Variants in CEP85L observed in about 807,000 individuals in gnomAD.
CEP85L encodes centrosomal protein of 85 kDa-like.
Under a neutral mutation model 100.3 loss-of-function variants are expected in CEP85L, and 60 were observed. The ratio of observed to expected loss-of-function variants is 0.60; its 90% CI spans 0.49 to 0.74. CEP85L has a LOEUF of 0.74. Among genes scored for constraint, CEP85L ranks in the 30% least tolerant of loss-of-function variants. CEP85L has a pLI of 0.00. For missense variants in CEP85L, 973 were observed against 936.2 expected, an observed-to-expected ratio of 1.04 and a Z score of -0.51; for synonymous variants, 319 against 322.7, an observed-to-expected ratio of 0.99 and a Z score of 0.12.
chr6:118,640,992 C>A (rs528345182), intron 1 of CEP85L, among the ~76,000 whole-genome samples: 1 of 152,154 alleles, frequency 6.6e-6, no homozygotes, highest in Non-Finnish European at 1.5e-5. Context: ...GCTTACTTCA[C>A]TTTAAGCTTT....
chr6:118,696,482 G>T (rs564505495), intron 1 of CEP85L, among the ~76,000 whole-genome samples: 13 of 152,234 alleles, frequency 8.5e-5, no homozygotes, highest in African/African-American at 2.9e-4. Context: ...TAGCAAGTTG[G>T]GCAATCAGCA....
chr6:118,705,200 C>G (rs748136598), intron 1 of CEP85L, among the ~76,000 whole-genome samples: 15 of 152,184 alleles, frequency 9.9e-5, no homozygotes, highest in Non-Finnish European at 1.8e-4. Context: ...GCCGAACAGT[C>G]TCTAAAAGAA....
intron 1 of CEP85L, among the ~76,000 whole-genome samples, chr6:118,709,825 T>C (rs1307364700): frequency 6.6e-6 from 1 of 152,114 alleles, no homozygotes; most frequent in African/African-American, 2.4e-5. Context: ...GACACCATCA[T>C]AGCAATCTAG....
At chr6:118,631,896 C>T (rs1344744097) in intron 2 of CEP85L, among the ~76,000 whole-genome samples, 1 of 152,198 alleles carries the variant, frequency 6.6e-6, no homozygotes, top group Non-Finnish European at 1.5e-5. Flanking sequence ...CTGGTTACAA[C>T]ACTATTATTT....
chr6:118,542,329 A>G (rs1416069784), intron 3 of CEP85L, among the ~76,000 whole-genome samples: 2 of 152,140 alleles, frequency 1.3e-5, no homozygotes, highest in African/African-American at 2.4e-5. Context: ...GAAGATAAGG[A>G]CTTTTTTTTT....
chr6:118,656,650 T>C (rs1020616715), upstream of CEP85L: 1 of 152,232 alleles, frequency 6.6e-6, no homozygotes, highest in Non-Finnish European at 1.5e-5. Context: ...TGATACATAA[T>C]AGATGTACAT....
At position 118,696,817 on chromosome 6, in the gene CEP85L, G is replaced by A. The variant is rs187876273; in HGVS notation, c.-28+13219C>T. Among the ~76,000 whole-genome samples the A allele has an allele frequency of 1.1e-4, 17 of 152,264 alleles. No homozygotes were observed. The East Asian group carries it at 2.9e-3, about 26-fold the overall frequency. ...AACGTTCTAAGATAGGGTGGTGCAA[G>A]AGGTAGTTGATTAGATAGCTCAACA... On this transcript the variant is annotated intron_variant, in intron 1 of 13. Coordinates refer to the CEP85L transcript ENST00000368488.
chr6:118,514,717 C>A (rs557258767), intron 4 of CEP85L, among the ~76,000 whole-genome samples: 8 of 151,918 alleles, frequency 5.3e-5, no homozygotes, highest in African/African-American at 1.9e-4. Flanking sequence ...AGGACACAAA[C>A]AGGTTAAAAG....
At chr6:118,646,692 G>C (rs1775221472) in intron 1 of CEP85L, among the ~76,000 whole-genome samples, 2 of 152,114 alleles carry the variant, frequency 1.3e-5, no homozygotes, top group African/African-American at 4.8e-5. Context: ...TGCTTAAAAA[G>C]TGTCTGATGA....
intron 4 of CEP85L, among the ~76,000 whole-genome samples, chr6:118,520,356 C>T (rs1167713182): frequency 6.6e-6 from 1 of 152,076 alleles, no homozygotes; most frequent in Non-Finnish European, 1.5e-5. Flanking sequence ...GATTAGATTG[C>T]AGGATACAAA....
At chr6:118,587,747 T>C (rs1780950962) in intron 2 of CEP85L, among the ~76,000 whole-genome samples, 1 of 152,156 alleles carries the variant, frequency 6.6e-6, no homozygotes, top group Admixed American at 6.5e-5. Flanking sequence ...CAGGGCATAT[T>C]ACGTCTCTAA....
intron 5 of CEP85L, among the ~76,000 whole-genome samples, chr6:118,508,284 G>T (rs1775776070): frequency 6.6e-6 from 1 of 152,000 alleles, no homozygotes; most frequent in Non-Finnish European, 1.5e-5. Flanking sequence ...GAATAAAATG[G>T]AAAGAAAAGA....
chr6:118,594,591 G>A (rs117688959), intron 2 of CEP85L, among the ~76,000 whole-genome samples: 3,482 of 151,960 alleles, frequency 0.023, 77 homozygotes, highest in Non-Finnish European at 0.034. Flanking sequence ...AGAACTCGCC[G>A]GGCACGGTGG....
intron 3 of CEP85L, among the ~76,000 whole-genome samples, chr6:118,530,860 CA>C (rs34433730): frequency 0.71 from 101,670 of 143,306 alleles, 36,002 homozygotes; most frequent in African/African-American, 0.75. Flanking sequence ...GAGATGATTC[CA>C]AAAAAAAAAA....
chr6:118,600,313 G>C (rs1235846131), intron 2 of CEP85L, among the ~76,000 whole-genome samples: 1 of 89,870 alleles, frequency 1.1e-5, no homozygotes, highest in African/African-American at 4.1e-5. Flanking sequence ...GTGTGTGTGT[G>C]TGTGTGTGTG....
chr6:118,558,846 A>T, intron 3 of CEP85L: 2 of 901,436 alleles, frequency 2.2e-6, no homozygotes, highest in Non-Finnish European at 3.7e-6. Flanking sequence ...GAAGACAGTT[A>T]TCTCATATTT....
intron 3 of CEP85L, among the ~76,000 whole-genome samples, chr6:118,545,408 T>C (rs1778138223): frequency 6.6e-6 from 1 of 152,034 alleles, no homozygotes. Flanking sequence ...GGCAATATGG[T>C]GAAACCCCAT....
At chr6:118,482,032 TAAA>T (rs35791512) in intron 7 of CEP85L, 99 bp from the exon 8 acceptor site, 19,910 of 349,670 alleles carry the variant, frequency 0.057, 1 homozygote, top group Middle Eastern at 0.073. Context: ...GACTTGTAGC[TAAA>T]AAAAAAAAAA....
intron 5 of CEP85L, among the ~76,000 whole-genome samples, chr6:118,504,253 T>C (rs573673622): frequency 6.6e-6 from 1 of 152,190 alleles, no homozygotes; most frequent in Admixed American, 6.5e-5. Context: ...TTTATGCCTG[T>C]AGTCCCAGCT....
Sources: allele counts gnomAD v4.1 joint callset (sites outside exome capture counted in the v4.1 genomes callset), GRCh38; gene constraint gnomAD v4.1.1; transcripts MANE v1.5; gene names NCBI Gene and HGNC (gene_info 2026-07-23, HGNC 2026-07-21).